RARS2: variants seen among roughly 807,000 people sequenced by gnomAD.
RARS2 encodes probable arginine--tRNA ligase, mitochondrial.
Under a neutral mutation model 88.5 loss-of-function variants are expected in RARS2, and 67 were observed. The observed-to-expected ratio is 0.76, with a 90% confidence interval of 0.62 to 0.93. The LOEUF is 0.93. Among genes scored for constraint, RARS2 ranks in the 40% least tolerant of loss-of-function variants. The pLI is 0.00. For synonymous variants in RARS2, 239 were observed against 230.3 expected, an observed-to-expected ratio of 1.04 and a Z score of -0.34; for missense variants, 664 against 684.2, an observed-to-expected ratio of 0.97 and a Z score of 0.33.
At chr6:87,537,170 T>C (rs1011776333) in intron 8 of RARS2, among the ~76,000 whole-genome samples, 1 of 152,274 alleles carries the variant, frequency 6.6e-6, no homozygotes, top group Non-Finnish European at 1.5e-5. Context: ...AATCTGCTAC[T>C]GGATGGCCTA....
chr6:87,574,382 G>C (rs772206930), intron 1 of RARS2, among the ~76,000 whole-genome samples: 32 of 152,330 alleles, frequency 2.1e-4, no homozygotes, highest in Middle Eastern at 3.4e-3. Context: ...GGAATGGAAA[G>C]GGGGAGGAGT....
At chr6:87,516,302 A>AC (rs937139366) in intron 18 of RARS2, among the ~76,000 whole-genome samples, 1 of 152,158 alleles carries the variant, frequency 6.6e-6, no homozygotes, top group Non-Finnish European at 1.5e-5. Context: ...CCCTGTATGG[A>AC]CCCCACCACC....
At position 87,514,400 on chromosome 6, in the gene RARS2, A is replaced by T. The variant is rs746992622; in HGVS notation, c.*13T>A. ...GAATTCACTTGACATTTTAAAAGCC[A>T]TTTTAATGGAAATTACATCCTACAT... On this transcript the variant is annotated 3_prime_UTR_variant, in exon 20 of 20. Transcript: ENST00000369536. 6.4e-7 allele frequency: 1 copy of T among 1,567,438 alleles called. No individual in the cohort carries two copies. The highest frequency in any genetic ancestry group is 1.7e-5 in the Admixed American group (1 of 59,956).
At chr6:87,584,909 C>T (rs1381720097) in intron 1 of RARS2, among the ~76,000 whole-genome samples, 1 of 152,120 alleles carries the variant, frequency 6.6e-6, no homozygotes. Flanking sequence ...TAGAAAAAAT[C>T]AAGAATGCTA....
At chr6:87,563,114 T>A (rs1045698642) in intron 3 of RARS2, among the ~76,000 whole-genome samples, 1 of 152,228 alleles carries the variant, frequency 6.6e-6, no homozygotes, top group Non-Finnish European at 1.5e-5. Flanking sequence ...ACACTTTTTA[T>A]CTCACCTAGC....
intron 19 of RARS2, 24 bp downstream of exon 19, chr6:87,514,933 C>G: frequency 1.3e-6 from 2 of 1,581,760 alleles, no homozygotes; most frequent in Non-Finnish European, 1.7e-6. Context: ...AGGGATTATA[C>G]AGAAAACATT....
At position 87,589,945 on chromosome 6, in the gene RARS2, A is replaced by AC; in HGVS notation, c.12_13insG (p.Phe5ValfsTer37). On this transcript the variant is annotated frameshift_variant, in exon 1 of 20. Coordinates refer to ENST00000369536, the MANE Select transcript of RARS2 (RefSeq NM_020320.5). LOFTEE classifies it high-confidence loss of function. ...ACCTGGCAAGCAATAGCGCGGCGAA[A>AC]GCCGCACGCCATGTCCACCTCTACG... 1 of 1,612,724 alleles carries AC rather than the reference A, an allele frequency of 6.2e-7. No individual in the cohort carries two copies. Among genetic ancestry groups the AC allele is most frequent in the Non-Finnish European group, 8.5e-7 (1 of 1,179,494 alleles).
intron 2 of RARS2, among the ~76,000 whole-genome samples, chr6:87,568,715 T>C (rs1474037875): frequency 2.0e-5 from 3 of 152,206 alleles, no homozygotes; most frequent in African/African-American, 7.2e-5. Context: ...AAATGTAGCC[T>C]TTCTCTTTCT....
At chr6:87,546,957 G>A (rs1447943427) in intron 6 of RARS2, among the ~76,000 whole-genome samples, 1 of 152,048 alleles carries the variant, frequency 6.6e-6, no homozygotes, top group African/African-American at 2.4e-5. Context: ...CCAATTAAAT[G>A]TCTGAACCTA....
At chr6:87,580,722 C>G (rs1238921045) in intron 1 of RARS2, among the ~76,000 whole-genome samples, 1 of 151,948 alleles carries the variant, frequency 6.6e-6, no homozygotes, top group Admixed American at 6.6e-5. Context: ...CCTCCCAAAG[C>G]GCTGAAATTA....
rs189003071 is a variant in RARS2, at chr6:87,542,795, G to A, written c.536-801C>T. Among the ~76,000 whole-genome samples the A allele has an allele frequency of 3.4e-4, 50 of 148,318 alleles. 1 individual carries two copies. Among genetic ancestry groups the A allele is most frequent in the Admixed American group, 2.8e-3 (42 of 14,742 alleles). On this transcript the variant is annotated intron_variant, in intron 7 of 19. Coordinates refer to ENST00000369536, the MANE Select transcript of RARS2 (RefSeq NM_020320.5). ...ATAACTTCCGTTAGAAAGGATATATGCAGCCTGGGTTAAGAGGAATATTAG... is the reference window on the plus strand; with the variant it reads ...ATAACTTCCGTTAGAAAGGATATATACAGCCTGGGTTAAGAGGAATATTAG...
chr6:87,534,040 G>A (rs1213450465), intron 8 of RARS2, among the ~76,000 whole-genome samples: 2 of 152,048 alleles, frequency 1.3e-5, no homozygotes, highest in African/African-American at 2.4e-5. Context: ...ACCTAGTTTA[G>A]AAAAGAACAT....
intron 1 of RARS2, among the ~76,000 whole-genome samples, chr6:87,578,009 G>A (rs990886958): frequency 5.9e-5 from 9 of 151,982 alleles, no homozygotes; most frequent in Non-Finnish European, 1.2e-4. Context: ...CAGGCCAAGC[G>A]CGGTGGCTCA....
At chr6:87,517,303 T>C (rs1772108037) in intron 17 of RARS2, among the ~76,000 whole-genome samples, 1 of 152,096 alleles carries the variant, frequency 6.6e-6, no homozygotes, top group Non-Finnish European at 1.5e-5. Flanking sequence ...TAGAAGGATA[T>C]GAAAAAACTG....
chr6:87,552,705 T>A (rs187921775), intron 5 of RARS2, among the ~76,000 whole-genome samples: 193 of 152,128 alleles, frequency 1.3e-3, no homozygotes, highest in African/African-American at 4.5e-3. Flanking sequence ...TAAGGAAGAC[T>A]GAAGCCACAG....
At chr6:87,526,764 G>A (rs1313893761) in intron 10 of RARS2, among the ~76,000 whole-genome samples, 3 of 150,742 alleles carry the variant, frequency 2.0e-5, no homozygotes, top group Non-Finnish European at 4.4e-5. Context: ...TCTGCCTCCC[G>A]GGTTCAAGTG....
intron 13 of RARS2, 113 bp from the exon 14 acceptor site, chr6:87,519,820 AAATT>A (rs1226735995): frequency 8.1e-7 from 1 of 1,236,306 alleles, no homozygotes; most frequent in Non-Finnish European, 1.2e-6. Flanking sequence ...GAGTTTTTAA[AAATT>A]AATAAAATGA....
At chr6:87,528,959 ATGT>A (rs1434909977) in intron 10 of RARS2, among the ~76,000 whole-genome samples, 2 of 152,210 alleles carry the variant, frequency 1.3e-5, no homozygotes, top group African/African-American at 2.4e-5. Flanking sequence ...ATATCAAATC[ATGT>A]TGTACACCAT....
intron 1 of RARS2, among the ~76,000 whole-genome samples, chr6:87,578,753 G>A (rs1284189149): frequency 6.6e-6 from 1 of 152,114 alleles, no homozygotes; most frequent in East Asian, 1.9e-4. Flanking sequence ...GAGGTCAGGA[G>A]ATCAAGACCA....
Sources: gnomAD v4.1 joint callset for allele counts (sites outside exome capture counted in the v4.1 genomes callset) on GRCh38, gnomAD v4.1.1 for gene constraint, MANE v1.5 for transcripts, NCBI Gene and HGNC (gene_info 2026-07-23, HGNC 2026-07-21) for gene names.